Variants in HKDC1 observed in about 807,000 individuals in gnomAD.
HKDC1 encodes the protein hexokinase HKDC1.
HKDC1 carries 66 observed loss-of-function variants against 96.6 expected under a neutral mutation model. The observed-to-expected ratio is 0.68, with a 90% CI of 0.56 to 0.84. The LOEUF is 0.84. Ranked by LOEUF, HKDC1 falls within the 40% of genes least tolerant of loss-of-function variation. The pLI is 0.00. For missense variants in HKDC1, 1,211 were observed against 1,208.1 expected (o/e 1.00, Z -0.04); for synonymous variants, 466 against 473.1 (o/e 0.98, Z 0.20).
intron 1 of HKDC1, among the ~76,000 whole-genome samples, chr10:69,221,064 C>T (rs1040796101): frequency 3.3e-5 from 5 of 151,980 alleles, no homozygotes; most frequent in South Asian, 2.1e-4. Context: ...GCAGGAGAAT[C>T]GCTTGAACCC....
rs1434518146 is a variant in HKDC1 at position 69,238,531 on chromosome 10, C to T, written c.496-511C>T. ...AGCTGGGACTACAGGCGCCCGCCAC[C>T]GCGCCCGGCTAATTTTTTGTATTTT... On this transcript the variant is annotated intron_variant, in intron 4 of 17. Transcript: ENST00000354624. Among the ~76,000 whole-genome samples, 2 of 86,228 alleles carry T rather than the reference C, an allele frequency of 2.3e-5. 1 individual carries two copies. The highest frequency in any genetic ancestry group is 4.5e-5 in the Non-Finnish European group (2 of 44,604). The allele number at this position is 86,228 out of a possible 152,430, so 56.6% of individuals were successfully genotyped here.
At chr10:69,261,396 C>G in intron 16 of HKDC1, 102 bp downstream of exon 16, 1 of 1,141,994 alleles carries the variant, frequency 8.8e-7, no homozygotes, top group Middle Eastern at 2.6e-4. Flanking sequence ...CAGAAAGGCC[C>G]TGGCTGGGTA....
chr10:69,239,477 TCATATACTTTCCGGGCTGGTTC>T (rs2132348351), intron 5 of HKDC1, among the ~76,000 whole-genome samples: 1 of 152,340 alleles, frequency 6.6e-6, no homozygotes, highest in Non-Finnish European at 1.5e-5. Context: ...GCTGAAAAGA[TCATATACTTTCCGGGCTGGTTC>T]CATATTCTTT....
chr10:69,236,800 A>C (rs1001329301), intron 4 of HKDC1, among the ~76,000 whole-genome samples: 17 of 151,788 alleles, frequency 1.1e-4, no homozygotes, highest in Non-Finnish European at 2.1e-4. Context: ...AAAAAATTGT[A>C]TCAAGGAAGG....
At chr10:69,264,158 A>G (rs1368617850) in intron 16 of HKDC1, among the ~76,000 whole-genome samples, 1 of 150,036 alleles carries the variant, frequency 6.7e-6, no homozygotes, top group East Asian at 2.0e-4. Context: ...AAAGAAGAGA[A>G]TTACCTGTAA....
intron 2 of HKDC1, among the ~76,000 whole-genome samples, chr10:69,231,568 G>A (rs1318979360): frequency 6.6e-6 from 1 of 152,124 alleles, no homozygotes; most frequent in Non-Finnish European, 1.5e-5. Flanking sequence ...AAAGCCAGCT[G>A]CCTTTGTCTC....
chr10:69,260,177 G>A (rs1387767654), intron 15 of HKDC1, among the ~76,000 whole-genome samples: 1 of 152,194 alleles, frequency 6.6e-6, no homozygotes, highest in Non-Finnish European at 1.5e-5. Context: ...GGGATGCTTA[G>A]GCCATGGACA....
chr10:69,250,352 A>T lies in HKDC1; in HGVS notation c.1633A>T (p.Ile545Phe). The T allele has an allele frequency of 6.2e-7, 1 of 1,614,154 alleles. No homozygotes were observed. Among genetic ancestry groups the T allele is most frequent in the Non-Finnish European group, 8.5e-7 (1 of 1,179,994 alleles). The change falls in exon 11 of 18, where the codon ATC (isoleucine) becomes TTC (phenylalanine). Residue 545 changes from isoleucine (I) to phenylalanine (F), a missense_variant. By Grantham distance (21) the Ile-to-Phe change is conservative. Coordinates refer to ENST00000354624, the MANE Select transcript of HKDC1 (RefSeq NM_025130.4). The part of the protein sequence containing the change: ...GTNFRVLLVK[I>F]RSGRRSVRMY... ...CAACTTCCGGGTCCTCCTGGTGAAG[A>T]TCAGAAGTGGACGGAGGTCAGTGCG...
At chr10:69,223,861 G>T (rs553845664) in intron 1 of HKDC1, among the ~76,000 whole-genome samples, 116 of 150,428 alleles carry the variant, frequency 7.7e-4, no homozygotes, top group Middle Eastern at 6.8e-3. Context: ...GGGATTACAG[G>T]CATGAGCCAC....
rs1437545434 is a variant in HKDC1 at position 69,243,104 on chromosome 10, C to T, written c.692-78C>T. The stretch of plus-strand genomic sequence containing the variant: ...ACTTTGTGGTACATTGAGGAGGACT[C>T]CCCAGCAGTCAAGAGTTCTCTGTCT... On this transcript the variant is annotated intron_variant, in intron 6 of 17. Coordinates refer to ENST00000354624, the MANE Select transcript of HKDC1 (RefSeq NM_025130.4). The T allele has an allele frequency of 4.2e-6, 6 of 1,434,066 alleles. No individual in the cohort carries two copies. The African/African-American group carries it at 8.4e-5, about 20-fold the overall frequency. 88.8% of individuals were successfully genotyped at this position (1,434,066 alleles called of 1,614,324 possible).
In HKDC1 at chr10:69,250,284, T is replaced by C. The variant is rs533166944; in HGVS notation, c.1571-6T>C. 9.9e-5 allele frequency: 159 copies of C among 1,611,704 alleles called. 1 individual carries two copies. The South Asian group carries it at 1.5e-3, about 16-fold the overall frequency. ...TGGAATGCAGCTGCTGCTTTCTCCA[T>C]CACAGAGAAAGGAAAGTTTCTCGCC... On this transcript the variant is annotated splice_polypyrimidine_tract_variant and splice_region_variant and intron_variant, in intron 10 of 17. Coordinates refer to ENST00000354624, the MANE Select transcript of HKDC1 (RefSeq NM_025130.4).
intron 15 of HKDC1, 56 bp from the exon 16 acceptor site, chr10:69,261,083 C>T: frequency 1.3e-6 from 2 of 1,536,514 alleles, no homozygotes; most frequent in Non-Finnish European, 1.8e-6. Context: ...CTTCTCACAT[C>T]ATGTGGTCTT....
At chr10:69,226,511 C>T (rs1186456669) in intron 1 of HKDC1, among the ~76,000 whole-genome samples, 3 of 151,910 alleles carry the variant, frequency 2.0e-5, no homozygotes, top group South Asian at 2.1e-4. Context: ...AAAAATTAGT[C>T]GGGCCTGGTG....
At position 69,232,887 on chromosome 10, in the gene HKDC1, A is replaced by T; in HGVS notation, c.350A>T (p.Glu117Val). ...AGTCAGTTCTACCCAACGCCCAATGAAATCATCCGCGGGAACGGCACAGAG... is the reference window on the plus strand; with the variant it reads ...AGTCAGTTCTACCCAACGCCCAATGTAATCATCCGCGGGAACGGCACAGAG... ...MESQFYPTPN[E>V]IIRGNGTELF... Residue 117 changes from glutamate (E) to valine (V), a missense_variant, in exon 3 of 18, where the codon GAA (glutamate) becomes GTA (valine). Coordinates refer to ENST00000354624, the MANE Select transcript of HKDC1 (RefSeq NM_025130.4). 6.2e-7 allele frequency: 1 copy of T among 1,613,642 alleles called. No homozygotes were observed. Among genetic ancestry groups the T allele is most frequent in the Non-Finnish European group, 8.5e-7 (1 of 1,180,030 alleles).
At chr10:69,262,232 T>A (rs1843821234) in intron 16 of HKDC1, 3 of 194,666 alleles carry the variant, frequency 1.5e-5, no homozygotes, top group Non-Finnish European at 3.3e-5. Flanking sequence ...TATGTTACTG[T>A]ACTATAATTT....
In HKDC1 at chr10:69,250,545, A is replaced by C. The variant is rs78616372; in HGVS notation, c.1729A>C (p.Ile577Leu). 6.9e-4 allele frequency: 1,110 copies of C among 1,614,028 alleles called. 32 individuals carry two copies. In the East Asian group the frequency reaches 0.025, roughly 36 times the overall value. Residue 577 changes from isoleucine to leucine, a missense_variant, in exon 12 of 18, where the codon ATT becomes CTT. Physicochemically the swap from Ile to Leu is conservative, Grantham distance 5. Transcript: ENST00000354624. ...QGTGEELFDH[I>L]VQCIADFLDY... is the part of the protein sequence containing the mutation. ...TCTCTCTCTGCAGCTCTTTGATCAC[A>C]TTGTGCAGTGCATCGCCGACTTCCT...
intron 1 of HKDC1, among the ~76,000 whole-genome samples, chr10:69,222,525 A>C: frequency 6.6e-6 from 1 of 152,164 alleles, no homozygotes; most frequent in Non-Finnish European, 1.5e-5. Context: ...TGATTCTGCA[A>C]ACTTATTTCA....
intron 8 of HKDC1, 68 bp downstream of exon 8, chr10:69,246,302 A>G (rs1564731857): frequency 6.4e-7 from 1 of 1,551,660 alleles, no homozygotes; most frequent in South Asian, 1.1e-5. Context: ...GGGGTGCTCC[A>G]TGTGGTAGGA....
chr10:69,260,401 A>G (rs373242956), intron 15 of HKDC1, among the ~76,000 whole-genome samples: 1 of 152,234 alleles, frequency 6.6e-6, no homozygotes, highest in South Asian at 2.1e-4. Flanking sequence ...GGCTCTTCCC[A>G]AGGGGCAGTT....
Sources: allele counts gnomAD v4.1 joint callset (sites outside exome capture counted in the v4.1 genomes callset), GRCh38; gene constraint gnomAD v4.1.1; transcripts MANE v1.5; gene names NCBI Gene and HGNC (gene_info 2026-07-23, HGNC 2026-07-21).